Variants in GRM5 observed in about 807,000 individuals in gnomAD.
GRM5 encodes the protein metabotropic glutamate receptor 5.
Under a neutral mutation model 83.1 loss-of-function variants are expected in GRM5, and 19 were observed. That is an observed-to-expected ratio of 0.23 (90% confidence interval 0.16 to 0.34). The LOEUF is 0.34. Ranked by LOEUF, GRM5 falls within the 10% of genes least tolerant of loss-of-function variation. The pLI is 1.00. For synonymous variants in GRM5, 675 were observed against 633.6 expected (o/e 1.07, Z -0.98); for missense variants, 1,160 against 1,588.3 (o/e 0.73, Z 4.58).
chr11:88,545,997 T>C (rs576408247), intron 8 of GRM5, among the ~76,000 whole-genome samples: 65 of 152,098 alleles, frequency 4.3e-4, no homozygotes, highest in Non-Finnish European at 7.8e-4. Context: ...TTTACTTTAA[T>C]CACAATGGAG....
intron 3 of GRM5, among the ~76,000 whole-genome samples, chr11:88,667,841 C>T (rs936570117): frequency 3.3e-5 from 5 of 150,916 alleles, no homozygotes; most frequent in African/African-American, 4.9e-5. Context: ...TGCAGTGAGC[C>T]GAGATTGAGC....
At chr11:88,519,446 A>C (rs796121054) in intron 9 of GRM5, among the ~76,000 whole-genome samples, 2 of 152,200 alleles carry the variant, frequency 1.3e-5, no homozygotes, top group African/African-American at 4.8e-5. Flanking sequence ...GTGGCTGATA[A>C]CATAGTGATT....
chr11:89,012,877 T>C (rs1304131512), intron 2 of GRM5, among the ~76,000 whole-genome samples: 1 of 152,224 alleles, frequency 6.6e-6, no homozygotes, highest in Non-Finnish European at 1.5e-5. Flanking sequence ...CTCTATCTAT[T>C]ATTAGCTATA....
intron 2 of GRM5, among the ~76,000 whole-genome samples, chr11:88,864,478 T>C (rs1944625256): frequency 1.3e-5 from 2 of 152,092 alleles, no homozygotes; most frequent in Non-Finnish European, 2.9e-5. Flanking sequence ...TGTTTGTCTA[T>C]TATTGTTGTG....
At chr11:88,605,055 A>G in intron 4 of GRM5, 91 bp from the exon 5 acceptor site, 2 of 1,031,468 alleles carry the variant, frequency 1.9e-6, no homozygotes, top group East Asian at 2.4e-5. Flanking sequence ...CTGTAATTAG[A>G]GAATGCACTG....
At chr11:88,722,913 C>T (rs1267748193) in intron 3 of GRM5, among the ~76,000 whole-genome samples, 1 of 152,010 alleles carries the variant, frequency 6.6e-6, no homozygotes, top group Non-Finnish European at 1.5e-5. Flanking sequence ...CTGTGTTGTA[C>T]ATGCTATGGC....
chr11:88,931,975 G>A (rs1055865214), intron 2 of GRM5, among the ~76,000 whole-genome samples: 4 of 152,048 alleles, frequency 2.6e-5, no homozygotes, highest in Non-Finnish European at 5.9e-5. Flanking sequence ...TAGCAATTGA[G>A]TGCATCCATA....
At chr11:88,838,793 C>G (rs895290913) in intron 3 of GRM5, among the ~76,000 whole-genome samples, 1 of 151,872 alleles carries the variant, frequency 6.6e-6, no homozygotes, top group African/African-American at 2.4e-5. Flanking sequence ...AATGAAACCA[C>G]TTATTAACAG....
At chr11:88,911,717 G>C (rs1265859315) in intron 2 of GRM5, among the ~76,000 whole-genome samples, 2 of 152,114 alleles carry the variant, frequency 1.3e-5, no homozygotes, top group African/African-American at 4.8e-5. Context: ...CAGATCACTG[G>C]TTTACACATT....
At chr11:88,631,077 A>G (rs1467075242) in intron 4 of GRM5, among the ~76,000 whole-genome samples, 1 of 152,180 alleles carries the variant, frequency 6.6e-6, no homozygotes, top group South Asian at 2.1e-4. Flanking sequence ...ATGTCAAAAC[A>G]CTAGGCCAAC....
chr11:88,632,680 C>T (rs1939009300), intron 4 of GRM5, among the ~76,000 whole-genome samples: 1 of 152,108 alleles, frequency 6.6e-6, no homozygotes, highest in Non-Finnish European at 1.5e-5. Flanking sequence ...TCATTTTGAA[C>T]ATTATTCCTT....
At chr11:88,976,359 T>C (rs1939335431) in intron 2 of GRM5, among the ~76,000 whole-genome samples, 1 of 152,164 alleles carries the variant, frequency 6.6e-6, no homozygotes, top group Non-Finnish European at 1.5e-5. Context: ...TCGTGAATCT[T>C]GCGAATCTAC....
At chr11:89,032,709 C>A (rs536879134) in intron 2 of GRM5, among the ~76,000 whole-genome samples, 3 of 151,980 alleles carry the variant, frequency 2.0e-5, no homozygotes, top group African/African-American at 7.2e-5. Context: ...AGGGAACTTG[C>A]CTCATTTCCA....
chr11:88,797,689 T>C (rs1023027095), intron 3 of GRM5, among the ~76,000 whole-genome samples: 2 of 152,172 alleles, frequency 1.3e-5, no homozygotes, highest in African/African-American at 4.8e-5. Context: ...TCTAAATTTG[T>C]TGGATTCTCT....
At chr11:88,914,735 G>T (rs1371751310) in intron 2 of GRM5, among the ~76,000 whole-genome samples, 2 of 152,104 alleles carry the variant, frequency 1.3e-5, no homozygotes, top group Non-Finnish European at 2.9e-5. Context: ...TGAATTAAAG[G>T]TCAACAATAT....
At chr11:88,581,832 A>G (rs949073162) in intron 7 of GRM5, among the ~76,000 whole-genome samples, 14 of 152,166 alleles carry the variant, frequency 9.2e-5, no homozygotes, top group Non-Finnish European at 1.8e-4. Flanking sequence ...AAATATTTTG[A>G]GACACACATA....
At chr11:88,564,930 G>A (rs754883744) in intron 8 of GRM5, among the ~76,000 whole-genome samples, 1 of 151,228 alleles carries the variant, frequency 6.6e-6, no homozygotes. Context: ...TGCTGTCTTT[G>A]TTATTAAGAT....
chr11:88,763,217 A>G (rs1212996165), intron 3 of GRM5, among the ~76,000 whole-genome samples: 2 of 151,854 alleles, frequency 1.3e-5, no homozygotes, highest in East Asian at 3.9e-4. Context: ...TTCTAAGACA[A>G]GTAGAAGCTG....
chr11:88,548,822 G>A (rs1942438246), intron 8 of GRM5, among the ~76,000 whole-genome samples: 1 of 152,148 alleles, frequency 6.6e-6, no homozygotes, highest in South Asian at 2.1e-4. Flanking sequence ...ATTAAGGGAG[G>A]AGCTAAGACT....
Sources: gnomAD v4.1 joint callset for allele counts (sites outside exome capture counted in the v4.1 genomes callset) on GRCh38, gnomAD v4.1.1 for gene constraint, MANE v1.5 for transcripts, NCBI Gene and HGNC (gene_info 2026-07-23, HGNC 2026-07-21) for gene names.